The following EYA2 variants were observed in gnomAD, a reference collection of about 807,000 sequenced individuals.
The protein encoded by EYA2 is EYA transcriptional coactivator and phosphatase 2.
In EYA2, 31 loss-of-function variants were observed where a neutral mutation model predicts 69.2. The ratio of observed to expected loss-of-function variants is 0.45; its 90% CI spans 0.34 to 0.60. The LOEUF (loss-of-function observed/expected upper bound fraction) is 0.60. EYA2 is among the 20% of genes least tolerant of loss of function. The pLI, the probability that EYA2 is intolerant of heterozygous loss-of-function variation, is 0.02. For missense variants in EYA2, 622 were observed against 701.2 expected (o/e 0.89, Z 1.28); for synonymous variants, 257 against 279.4 (o/e 0.92, Z 0.80).
chr20:46,956,903 T>C (rs1979156883), intron 1 of EYA2, among the ~76,000 whole-genome samples: 2 of 152,192 alleles, frequency 1.3e-5, no homozygotes, highest in Admixed American at 6.5e-5. Flanking sequence ...GCAGGGAAAC[T>C]CTGCTTTATA....
chr20:46,904,036 G>A (rs149713025), intron 1 of EYA2, among the ~76,000 whole-genome samples: 16 of 152,142 alleles, frequency 1.1e-4, no homozygotes, highest in African/African-American at 3.6e-4. Context: ...TTTAGGTATC[G>A]AGAGAATGTT....
intron 5 of EYA2, among the ~76,000 whole-genome samples, chr20:47,040,450 G>A (rs916888041): frequency 2.0e-5 from 3 of 152,186 alleles, no homozygotes; most frequent in Non-Finnish European, 4.4e-5. Flanking sequence ...GTCTGTCGAA[G>A]GGGAATTGCT....
At position 46,978,810 on chromosome 20, in the gene EYA2, G is replaced by A. The variant is rs145941364; in HGVS notation, c.-10-11191G>A. ...CATGGAGGTGAACTTTATAAGGCCT[G>A]GAGATGGATTGGACGTGAGCATTGA... is the stretch of plus-strand genomic sequence containing the variant. On this transcript the variant is annotated intron_variant, in intron 1 of 15. Coordinates refer to ENST00000327619, the MANE Select transcript of EYA2 (RefSeq NM_005244.5). 3.0e-3 allele frequency among the ~76,000 whole-genome samples: 460 copies of A among 152,336 alleles called. 2 individuals are homozygous for A. The highest frequency in any genetic ancestry group is 0.011 in the African/African-American group (438 of 41,584).
chr20:47,083,314 C>T (rs1025245169), intron 7 of EYA2, among the ~76,000 whole-genome samples: 5 of 152,046 alleles, frequency 3.3e-5, no homozygotes, highest in African/African-American at 1.2e-4. Context: ...CAGTGGCTCA[C>T]GCCTGTAATC....
intron 10 of EYA2, among the ~76,000 whole-genome samples, chr20:47,157,601 G>T (rs551071608): frequency 6.6e-6 from 1 of 151,962 alleles, no homozygotes; most frequent in East Asian, 2.0e-4. Flanking sequence ...TCCAGGGGAG[G>T]TTGTTTCTTT....
intron 10 of EYA2, among the ~76,000 whole-genome samples, chr20:47,153,698 T>A (rs1026838869): frequency 3.3e-5 from 5 of 151,676 alleles, no homozygotes; most frequent in Admixed American, 3.3e-4. Context: ...TGGGGACTCC[T>A]CTATGGCTAA....
At chr20:47,027,126 T>C (rs1227291186) in intron 5 of EYA2, among the ~76,000 whole-genome samples, 1 of 152,202 alleles carries the variant, frequency 6.6e-6, no homozygotes, top group Admixed American at 6.5e-5. Context: ...GCTTATTTCA[T>C]CAGTGAGGTA....
At chr20:46,952,924 A>G (rs573412980) in intron 1 of EYA2, among the ~76,000 whole-genome samples, 48 of 152,364 alleles carry the variant, frequency 3.2e-4, no homozygotes, top group Middle Eastern at 3.4e-3. Context: ...GAGTCGTTGC[A>G]CATCTAAACA....
chr20:46,935,989 C>T (rs1049444916), intron 1 of EYA2, among the ~76,000 whole-genome samples: 3 of 152,076 alleles, frequency 2.0e-5, no homozygotes, highest in South Asian at 4.2e-4. Flanking sequence ...GCAGTGCTCA[C>T]GGGAGCATTT....
chr20:46,952,945 G>C (rs1978893946), intron 1 of EYA2, among the ~76,000 whole-genome samples: 1 of 152,222 alleles, frequency 6.6e-6, no homozygotes, highest in South Asian at 2.1e-4. Context: ...CATGAAAAAT[G>C]AGACTTCCTG....
intron 1 of EYA2, among the ~76,000 whole-genome samples, chr20:46,976,881 C>T (rs894122530): frequency 2.8e-5 from 4 of 145,322 alleles, no homozygotes; most frequent in South Asian, 2.3e-4. Flanking sequence ...ACTCCAGGCA[C>T]GTGCACCCAA....
intron 5 of EYA2, among the ~76,000 whole-genome samples, chr20:47,057,820 T>C (rs2030706209): frequency 6.6e-6 from 1 of 152,196 alleles, no homozygotes; most frequent in South Asian, 2.1e-4. Context: ...AGGCAGGCAG[T>C]GGCCTGTGCA....
intron 5 of EYA2, among the ~76,000 whole-genome samples, chr20:47,032,696 C>T (rs1984485639): frequency 6.6e-6 from 1 of 152,182 alleles, no homozygotes; most frequent in Non-Finnish European, 1.5e-5. Context: ...GGTTGAATCT[C>T]CGCCTCTGCA....
At chr20:46,898,620 T>C (rs1207255992) in intron 1 of EYA2, among the ~76,000 whole-genome samples, 1 of 152,234 alleles carries the variant, frequency 6.6e-6, no homozygotes, top group Admixed American at 6.5e-5. Context: ...TCGTTTTCAC[T>C]GTTTGAAGAT....
At chr20:47,035,697 G>A (rs1438980200) in intron 5 of EYA2, among the ~76,000 whole-genome samples, 3 of 152,120 alleles carry the variant, frequency 2.0e-5, no homozygotes, top group Non-Finnish European at 4.4e-5. Context: ...TCAGTGTAGT[G>A]ATGGGTGCTG....
At chr20:46,966,391 C>A (rs1023522330) in intron 1 of EYA2, among the ~76,000 whole-genome samples, 1 of 152,208 alleles carries the variant, frequency 6.6e-6, no homozygotes, top group Non-Finnish European at 1.5e-5. Flanking sequence ...CTAGCTACAG[C>A]CTCTGTTCTC....
At chr20:47,121,370 C>T (rs1416899977) in intron 9 of EYA2, among the ~76,000 whole-genome samples, 1 of 152,086 alleles carries the variant, frequency 6.6e-6, no homozygotes. Flanking sequence ...TGGAATTACA[C>T]GCATGAGCCA....
chr20:47,043,248 C>G (rs773716122), intron 5 of EYA2, among the ~76,000 whole-genome samples: 12 of 152,108 alleles, frequency 7.9e-5, no homozygotes, highest in Admixed American at 2.0e-4. Flanking sequence ...CAAACTTATT[C>G]CAGGGGAATG....
intron 3 of EYA2, among the ~76,000 whole-genome samples, chr20:47,002,670 C>T (rs951936656): frequency 6.6e-5 from 10 of 152,146 alleles, no homozygotes; most frequent in South Asian, 6.2e-4. Flanking sequence ...TGAACATATG[C>T]GTGCATGCAT....
Sources: gnomAD v4.1 joint callset for allele counts (sites outside exome capture counted in the v4.1 genomes callset) on GRCh38, gnomAD v4.1.1 for gene constraint, MANE v1.5 for transcripts, NCBI Gene and HGNC (gene_info 2026-07-23, HGNC 2026-07-21) for gene names.